FREM3: variants seen among roughly 807,000 people sequenced by gnomAD.
FREM3 encodes the protein FRAS1 related extracellular matrix 3.
FREM3 carries 105 observed loss-of-function variants against 129.1 expected under a neutral mutation model. The ratio of observed to expected loss-of-function variants is 0.81; its 90% CI spans 0.69 to 0.96. FREM3 has a LOEUF of 0.96. FREM3 is among the 40% of genes least tolerant of loss of function. The probability of loss-of-function intolerance (pLI) is 0.00; values close to 1 mark genes in which losing one functional copy is unlikely to be tolerated. For synonymous variants in FREM3, 1,014 were observed against 1,044.9 expected, an observed-to-expected ratio of 0.97 and a Z score of 0.57; for missense variants, 2,593 against 2,666.3, an observed-to-expected ratio of 0.97 and a Z score of 0.61.
chr4:143,641,761 C>T (rs1027150422), intron 2 of FREM3, among the ~76,000 whole-genome samples: 1 of 152,150 alleles, frequency 6.6e-6, no homozygotes, highest in African/African-American at 2.4e-5. Context: ...AAAAAGCTTC[C>T]ACTTAACTTA....
intron 2 of FREM3, among the ~76,000 whole-genome samples, chr4:143,633,037 T>C (rs1399575534): frequency 1.3e-5 from 2 of 151,340 alleles, no homozygotes; most frequent in Non-Finnish European, 2.9e-5. Context: ...GATTTAAAAG[T>C]GTACAATGTG....
rs553652768 is a variant in FREM3, at chr4:143,625,984, C to A, written c.5422+1630G>T. Among the ~76,000 whole-genome samples, 539 of 152,198 alleles carry A rather than the reference C, an allele frequency of 3.5e-3. 5 individuals carry two copies. The highest frequency in any genetic ancestry group is 0.013 in the African/African-American group (528 of 41,534). On this transcript the variant is annotated intron_variant, in intron 3 of 7. Coordinates refer to ENST00000329798, the MANE Select transcript of FREM3 (RefSeq NM_001168235.2). ...GGAAACTGAACTCTTTTGAAAGTCA[C>A]AAAAAAGAGTAAGTGACAGAGCAGG... is the stretch of plus-strand genomic sequence containing the variant.
At chr4:143,620,850 G>A (rs1738932747) in intron 5 of FREM3, among the ~76,000 whole-genome samples, 187 bp downstream of exon 5, 1 of 152,182 alleles carries the variant, frequency 6.6e-6, no homozygotes. Context: ...GAGGAGACCA[G>A]CTCAGAGGAG....
chr4:143,673,470 T>C (rs911314221), intron 2 of FREM3, among the ~76,000 whole-genome samples: 5 of 152,140 alleles, frequency 3.3e-5, no homozygotes, highest in Non-Finnish European at 5.9e-5. Flanking sequence ...CTCAGAGGGG[T>C]ACCCGGCCGT....
At chr4:143,634,885 G>T (rs1263882497) in intron 2 of FREM3, among the ~76,000 whole-genome samples, 3 of 152,066 alleles carry the variant, frequency 2.0e-5, no homozygotes, top group Non-Finnish European at 4.4e-5. Flanking sequence ...CCAAATGGAG[G>T]CCAGAGAGAT....
At position 143,696,665 on chromosome 4, in the gene FREM3, T is replaced by A; in HGVS notation, c.4011A>T (p.Ser1337=). The change falls in exon 1 of 8, where the codon TCA becomes TCT. Residue 1337 remains serine, a synonymous_variant. Coordinates refer to ENST00000329798, the MANE Select transcript of FREM3 (RefSeq NM_001168235.2). ...GGACAAAACTGAGGCTTTTATCATC[T>A]GAGTCAAGATCTGTGGCCTTGAGGA... ...NRILKATDLD[S]DDKSLSFVLH... 1 of 1,537,932 alleles carries A rather than the reference T, an allele frequency of 6.5e-7. No homozygotes were observed. Among genetic ancestry groups the A allele is most frequent in the Non-Finnish European group, 8.7e-7 (1 of 1,147,050 alleles).
rs1016265630 is a variant in FREM3 at position 143,675,647 on chromosome 4, GA to G, written c.5275+17465del. ...AACAAAATTGATAGACTGCTAGAAG[GA>G]CTAATAAAGAAAGAAAGAGAGAAGA... On this transcript the variant is annotated intron_variant, in intron 2 of 7. Transcript: ENST00000329798. 1.8e-4 allele frequency among the ~76,000 whole-genome samples: 28 copies of G among 151,926 alleles called. 2 individuals carry two copies. Among genetic ancestry groups the G allele is most frequent in the Non-Finnish European group, 1.5e-5 (1 of 67,968 alleles).
At chr4:143,592,472 A>T (rs1301968239) in intron 6 of FREM3, among the ~76,000 whole-genome samples, 1 of 152,158 alleles carries the variant, frequency 6.6e-6, no homozygotes, top group Non-Finnish European at 1.5e-5. Context: ...CTTGTCTGTG[A>T]AGTATTTTAT....
intron 3 of FREM3, among the ~76,000 whole-genome samples, chr4:143,625,942 A>G (rs1739030541): frequency 6.6e-6 from 1 of 152,240 alleles, no homozygotes; most frequent in African/African-American, 2.4e-5. Context: ...TGAGATGGAT[A>G]ATTTACTTAC....
chr4:143,632,048 T>C (rs898658759), intron 2 of FREM3, among the ~76,000 whole-genome samples: 12 of 152,236 alleles, frequency 7.9e-5, no homozygotes, highest in Non-Finnish European at 1.6e-4. Flanking sequence ...CAGAATTCTC[T>C]TGTAGATCTA....
chr4:143,609,483 A>T lies in FREM3; in HGVS notation c.6028+1796T>A, dbSNP rs1204458416. Among the ~76,000 whole-genome samples the T allele has an allele frequency of 3.4e-5, 4 of 116,020 alleles. No homozygotes were observed. The South Asian group carries it at 1.1e-3, about 31-fold the overall frequency. The allele number at this position is 116,020 out of a possible 152,430, so 76.1% of individuals were successfully genotyped here. On this transcript the variant is annotated intron_variant, in intron 6 of 7. Transcript: ENST00000329798. ...GAAGTGGACTATGTAGAAAATGTAA[A>T]AAAAAAGTCTCCACTTCCGTAACTT...
intron 6 of FREM3, among the ~76,000 whole-genome samples, chr4:143,603,984 G>T (rs1332888543): frequency 6.6e-6 from 1 of 152,180 alleles, no homozygotes; most frequent in Non-Finnish European, 1.5e-5. Flanking sequence ...CAGTGTTGGA[G>T]GTGAGGCCAG....
At chr4:143,596,116 G>A (rs140029329) in intron 6 of FREM3, among the ~76,000 whole-genome samples, 37 of 152,306 alleles carry the variant, frequency 2.4e-4, no homozygotes, top group African/African-American at 7.2e-4. Context: ...GGTGAGAACA[G>A]AGGAATGTTT....
rs1211182737 is a variant in FREM3 at position 143,577,748 on chromosome 4, A to G, written c.6283T>C (p.Leu2095=). ...AATTCAAACTTCTCTGGGCCTTCCA[A>G]GGTAGGCTGTCCCAGGTCATCAAGG... is the stretch of plus-strand genomic sequence containing the variant. The part of the protein sequence containing the change: ...TILDDLGQPT[L]EGPEKFELLL... Residue 2095 remains leucine (L), a synonymous_variant, in exon 8 of 8, where the codon TTG becomes CTG. Transcript: ENST00000329798. The G allele has an allele frequency of 5.9e-6, 9 of 1,537,302 alleles. No individual in the cohort carries two copies. In the South Asian group the frequency reaches 9.5e-5, roughly 16 times the overall value.
At chr4:143,595,617 G>A (rs1459191160) in intron 6 of FREM3, among the ~76,000 whole-genome samples, 6 of 152,132 alleles carry the variant, frequency 3.9e-5, no homozygotes, top group East Asian at 1.9e-4. Context: ...GCCGGGCACC[G>A]TGGCTCTTGC....
intron 2 of FREM3, among the ~76,000 whole-genome samples, chr4:143,631,796 G>A (rs1329037955): frequency 6.6e-6 from 1 of 152,104 alleles, no homozygotes; most frequent in Non-Finnish European, 1.5e-5. Context: ...GAAGCAGACT[G>A]AAGGAAACTT....
chr4:143,698,312 C>A lies in FREM3; in HGVS notation c.2364G>T (p.Gln788His), dbSNP rs768638875. ...AQVNQHKVAY[Q>H]PPQKLGIAPR... is the part of the protein sequence containing the mutation. Reference sequence around the variant, plus strand: ...GTGCAATACCCAATTTCTGTGGAGGCTGGTAGGCAACTTTATGCTGATTTA... The same window carrying A: ...GTGCAATACCCAATTTCTGTGGAGGATGGTAGGCAACTTTATGCTGATTTA... The change falls in exon 1 of 8, where the codon CAG becomes CAT. Residue 788 changes from glutamine to histidine, a missense_variant. This residue lies in a region of FREM3 where 2,276 missense variants were observed against 2,267.2 expected (regional missense o/e 1.00). Transcript: ENST00000329798. The A allele has an allele frequency of 1.3e-6, 2 of 1,537,746 alleles. No individual in the cohort carries two copies. Among genetic ancestry groups the A allele is most frequent in the South Asian group, 2.4e-5 (2 of 84,046 alleles).
chr4:143,667,539 AT>A (rs892237724), intron 2 of FREM3, among the ~76,000 whole-genome samples: 9 of 151,492 alleles, frequency 5.9e-5, no homozygotes, highest in Non-Finnish European at 8.8e-5. Context: ...CAGGAAACTC[AT>A]TTTTTTTTCT....
chr4:143,653,783 A>G (rs973991354), intron 2 of FREM3, among the ~76,000 whole-genome samples: 3 of 152,214 alleles, frequency 2.0e-5, no homozygotes, highest in African/African-American at 7.2e-5. Context: ...GACAAATTAA[A>G]TCAGAGCGTT....
Sources: allele counts gnomAD v4.1 joint callset (sites outside exome capture counted in the v4.1 genomes callset), GRCh38; gene constraint gnomAD v4.1.1; regional missense constraint gnomAD v4.1.1; transcripts MANE v1.5; gene names NCBI Gene and HGNC (gene_info 2026-07-23, HGNC 2026-07-21).